The following KCNN2 variants were observed in gnomAD, a reference collection of about 807,000 sequenced individuals.
The protein encoded by KCNN2 is small conductance calcium-activated potassium channel protein 2.
A neutral mutation model predicts 55.5 loss-of-function variants in KCNN2; 24 were observed. The ratio of observed to expected loss-of-function variants is 0.43; its 90% CI spans 0.31 to 0.61. KCNN2 has a LOEUF of 0.61. Among genes scored for constraint, KCNN2 ranks in the 20% least tolerant of loss-of-function variants. The pLI is 0.08. For synonymous variants in KCNN2, 431 were observed against 336.1 expected (o/e 1.28, Z -3.09); for missense variants, 754 against 853.6 (o/e 0.88, Z 1.45).
intron 1 of KCNN2, among the ~76,000 whole-genome samples, chr5:114,056,797 GC>G (rs1424075777): frequency 6.6e-6 from 1 of 151,942 alleles, no homozygotes; most frequent in African/African-American, 2.4e-5. Flanking sequence ...CTCTTTCTCG[GC>G]TCTCCTCTTT....
rs1760053324 is a variant in KCNN2, at chr5:114,437,588, G to T, written c.1638-25461G>T. ...AGAGCTAAAAGTAGAAAATAAAAAA[G>T]TGTTATATTGACAGGTTTGGGGACT... is the stretch of plus-strand genomic sequence containing the variant. On this transcript the variant is annotated intron_variant, in intron 3 of 7. Transcript: ENST00000673685. 2.0e-5 allele frequency among the ~76,000 whole-genome samples: 3 copies of T among 152,114 alleles called. No homozygotes were observed. The East Asian group carries it at 5.8e-4, about 29-fold the overall frequency.
intron 2 of KCNN2, among the ~76,000 whole-genome samples, chr5:114,343,959 C>T (rs959249207): frequency 1.3e-5 from 2 of 152,100 alleles, no homozygotes; most frequent in Non-Finnish European, 2.9e-5. Context: ...GAACAGAGCA[C>T]CTTTCTCTTC....
chr5:114,494,945 C>T (rs577321260), intron 7 of KCNN2, among the ~76,000 whole-genome samples: 2 of 152,182 alleles, frequency 1.3e-5, no homozygotes, highest in East Asian at 3.9e-4. Context: ...GGAGGGACGG[C>T]TTAAATAAAG....
At chr5:114,114,263 C>T (rs1050976290) in intron 1 of KCNN2, among the ~76,000 whole-genome samples, 12 of 152,070 alleles carry the variant, frequency 7.9e-5, no homozygotes. Flanking sequence ...AGGTCTCACT[C>T]TTTTTCCCAG....
At chr5:114,177,168 C>T (rs181515949) in intron 1 of KCNN2, among the ~76,000 whole-genome samples, 3,982 of 146,842 alleles carry the variant, frequency 0.027, 95 homozygotes, top group Non-Finnish European at 0.036. Context: ...AACGGAGTCT[C>T]GCTCTGTCGC....
intron 1 of KCNN2, among the ~76,000 whole-genome samples, chr5:114,134,722 G>C (rs1042285563): frequency 1.3e-5 from 2 of 151,976 alleles, no homozygotes; most frequent in Non-Finnish European, 2.9e-5. Context: ...TGATCCATCC[G>C]TCTTGGTCTC....
intron 1 of KCNN2, among the ~76,000 whole-genome samples, chr5:114,187,759 G>C (rs1753367870): frequency 6.6e-6 from 1 of 151,458 alleles, no homozygotes; most frequent in Non-Finnish European, 1.5e-5. Context: ...ACCCGCCTCG[G>C]CCTCCCAAAG....
intron 3 of KCNN2, among the ~76,000 whole-genome samples, chr5:114,439,784 CA>C (rs902007551): frequency 2.0e-5 from 3 of 151,950 alleles, no homozygotes; most frequent in Admixed American, 6.6e-5. Context: ...AACCAACAAA[CA>C]AAAAAACACC....
At chr5:114,471,007 A>G (rs919330002) in intron 4 of KCNN2, among the ~76,000 whole-genome samples, 1 of 152,228 alleles carries the variant, frequency 6.6e-6, no homozygotes, top group Non-Finnish European at 1.5e-5. Flanking sequence ...CCAGTTACAC[A>G]ATAGGGACAA....
At chr5:114,478,385 A>C (rs1375305841) in intron 5 of KCNN2, among the ~76,000 whole-genome samples, 2 of 152,182 alleles carry the variant, frequency 1.3e-5, no homozygotes, top group Non-Finnish European at 2.9e-5. Flanking sequence ...AACCTCCGAG[A>C]ATATGGGATT....
chr5:114,464,383 G>A (rs1490523240), intron 4 of KCNN2, among the ~76,000 whole-genome samples: 1 of 152,176 alleles, frequency 6.6e-6, no homozygotes, highest in East Asian at 1.9e-4. Context: ...ATGTGAACGA[G>A]TACTGCAGGT....
At position 114,311,563 on chromosome 5, in the gene KCNN2, C is replaced by A. The variant is rs1756391342; in HGVS notation, c.-184-49382C>A. On this transcript the variant is annotated intron_variant, in intron 2 of 10. Coordinates refer to the KCNN2 transcript ENST00000512097. ...CTCTCTCAGAAAATTATTCTCATGTCATCTCTTTCTACTTTGTGCCTTGCA... is the reference window on the plus strand; with the variant it reads ...CTCTCTCAGAAAATTATTCTCATGTAATCTCTTTCTACTTTGTGCCTTGCA... 2.0e-5 allele frequency among the ~76,000 whole-genome samples: 3 copies of A among 152,114 alleles called. No homozygotes were observed. The South Asian group carries it at 6.2e-4, about 32-fold the overall frequency.
chr5:114,430,193 C>T (rs1447819973), intron 3 of KCNN2, among the ~76,000 whole-genome samples: 2 of 152,042 alleles, frequency 1.3e-5, no homozygotes, highest in South Asian at 2.1e-4. Context: ...TGGGATTGCA[C>T]TGAATCTTTA....
chr5:114,105,323 G>GTATCTTTATATTCAGAAGCTA (rs1308940897), intron 1 of KCNN2, among the ~76,000 whole-genome samples: 1 of 151,982 alleles, frequency 6.6e-6, no homozygotes, highest in Non-Finnish European at 1.5e-5. Flanking sequence ...TGATTTGAGG[G>GTATCTTTATATTCAGAAGCTA]TATCTTTATA....
chr5:114,097,355 G>A (rs1751280104), intron 1 of KCNN2, among the ~76,000 whole-genome samples: 1 of 152,142 alleles, frequency 6.6e-6, no homozygotes. Flanking sequence ...GATAAAGACT[G>A]TTGTAATACC....
At chr5:114,312,434 C>CACACATATATAT (rs1561566604) in intron 2 of KCNN2, among the ~76,000 whole-genome samples, 2 of 23,450 alleles carry the variant, frequency 8.5e-5, no homozygotes, top group Non-Finnish European at 1.7e-4. Context: ...CACACACACA[C>CACACATATATAT]ATATATATAT....
intron 3 of KCNN2, among the ~76,000 whole-genome samples, chr5:114,449,908 A>ACACACACACACACACACG (rs1309590184): frequency 3.0e-5 from 2 of 66,184 alleles, no homozygotes; most frequent in East Asian, 6.2e-3. Flanking sequence ...ACACACACAC[A>ACACACACACACACACACG]CGCGCGCGCT....
rs148486394 is a variant in KCNN2, at chr5:114,350,725, A to G, written c.-184-10220A>G. Reference sequence around the variant, plus strand: ...GTGGAAAAGATTGTTCTATCCCCCAATGAATTATCTAGGCACCCTTATTAA... The same window carrying G: ...GTGGAAAAGATTGTTCTATCCCCCAGTGAATTATCTAGGCACCCTTATTAA... On this transcript the variant is annotated intron_variant, in intron 2 of 10. Transcript: ENST00000512097. Among the ~76,000 whole-genome samples the G allele has an allele frequency of 4.0e-4, 61 of 151,956 alleles. No individual in the cohort carries two copies. The East Asian group carries it at 5.8e-3, about 14-fold the overall frequency.
At chr5:114,370,771 G>A (rs1757739554) in intron 2 of KCNN2, among the ~76,000 whole-genome samples, 1 of 152,048 alleles carries the variant, frequency 6.6e-6, no homozygotes, top group Non-Finnish European at 1.5e-5. Context: ...GGATAAAGGG[G>A]CCTGATTTTC....
Sources: allele counts gnomAD v4.1 joint callset (sites outside exome capture counted in the v4.1 genomes callset), GRCh38; gene constraint gnomAD v4.1.1; transcripts MANE v1.5; gene names NCBI Gene and HGNC (gene_info 2026-07-23, HGNC 2026-07-21).